The following ATXN10 variants were observed in gnomAD, a reference collection of about 807,000 sequenced individuals.
ATXN10 encodes ataxin 10.
A neutral mutation model predicts 52.9 loss-of-function variants in ATXN10; 28 were observed. The ratio of observed to expected loss-of-function variants is 0.53; its 90% CI spans 0.39 to 0.73. ATXN10 has a LOEUF of 0.73. Ranked by LOEUF, ATXN10 falls within the 30% of genes least tolerant of loss-of-function variation. ATXN10 has a pLI of 0.00. For synonymous variants in ATXN10, 226 were observed against 221.5 expected, an observed-to-expected ratio of 1.02 and a Z score of -0.18; for missense variants, 565 against 577.0, an observed-to-expected ratio of 0.98 and a Z score of 0.21.
chr22:45,755,977 C>T (rs1379994565), intron 9 of ATXN10, among the ~76,000 whole-genome samples: 1 of 151,372 alleles, frequency 6.6e-6, no homozygotes, highest in Non-Finnish European at 1.5e-5. Context: ...CAGACCCATG[C>T]TCTGCACCAC....
Position 45,784,648 on chromosome 22 carries a change from G to A in ATXN10, c.1174-22311G>A, listed in dbSNP as rs949891672. 6.6e-6 allele frequency among the ~76,000 whole-genome samples: 1 copy of A among 152,098 alleles called. No individual in the cohort carries two copies. Among genetic ancestry groups the A allele is most frequent in the Non-Finnish European group, 1.5e-5 (1 of 68,022 alleles). On this transcript the variant is annotated intron_variant, in intron 9 of 11. Transcript: ENST00000252934. The surrounding 1 kb of genome is among the most constrained non-coding windows in gnomAD (Gnocchi z 4.2). The stretch of plus-strand genomic sequence containing the variant: ...GCTCGCCTGTCGACCCCCTCCCTGT[G>A]CCCAGAGGACACACAGCTTAGAGCA...
chr22:45,740,576 C>G, intron 9 of ATXN10, 38 bp downstream of exon 9: 1 of 1,591,232 alleles, frequency 6.3e-7, no homozygotes, highest in Non-Finnish European at 8.6e-7. Context: ...ACATGTATGG[C>G]TTCATTTAGA....
rs1569077833 is a variant in ATXN10, at chr22:45,820,333, A to G, written c.1237+13311A>G. Among the ~76,000 whole-genome samples, 1 of 152,214 alleles carries G rather than the reference A, an allele frequency of 6.6e-6. No individual in the cohort carries two copies. Among genetic ancestry groups the G allele is most frequent in the African/African-American group, 2.4e-5 (1 of 41,462 alleles). ...AGTTGGAGAAACAGGCCATTGTGATAATACAGGACAGAACGCTAAGGGGTG... is the reference window on the plus strand; with the variant it reads ...AGTTGGAGAAACAGGCCATTGTGATGATACAGGACAGAACGCTAAGGGGTG... On this transcript the variant is annotated intron_variant, in intron 10 of 11. Transcript: ENST00000252934. This position sits in a 1 kb window ranked among gnomAD's most constrained non-coding sequence, Gnocchi z 4.9.
At position 45,769,670 on chromosome 22, in the gene ATXN10, G is replaced by T. The variant is rs886637382; in HGVS notation, c.1173+29132G>T. On this transcript the variant is annotated intron_variant, in intron 9 of 11. Transcript: ENST00000252934. The surrounding 1 kb of genome is among the most constrained non-coding windows in gnomAD (Gnocchi z 4.2). ...TGGTCAAGAAAAGAAGACCAAGGCCGATTCCCTAGGACCTTGAAGCCAGCC... is the reference window on the plus strand; with the variant it reads ...TGGTCAAGAAAAGAAGACCAAGGCCTATTCCCTAGGACCTTGAAGCCAGCC... Among the ~76,000 whole-genome samples the T allele has an allele frequency of 6.6e-6, 1 of 152,184 alleles. No individual in the cohort carries two copies. Among genetic ancestry groups the T allele is most frequent in the Non-Finnish European group, 1.5e-5 (1 of 68,030 alleles).
At chr22:45,751,763 A>AAAAAAAAAAAAAAATAATAAT in intron 9 of ATXN10, among the ~76,000 whole-genome samples, 33 of 66,572 alleles carry the variant, frequency 5.0e-4, no homozygotes, top group Non-Finnish European at 7.6e-4. Flanking sequence ...AATAAAAAAA[A>AAAAAAAAAAAAAAATAATAAT]AATAATAATA....
rs564886646 is a variant in ATXN10, at chr22:45,759,135, C to T, written c.1173+18597C>T. ...AGCACACTGTGTGCCAAGCATTATG[C>T]GAGGTGCTGGAGAGAAGGAAGGGGA... On this transcript the variant is annotated intron_variant, in intron 9 of 11. Transcript: ENST00000252934. The surrounding 1 kb of genome is among the most constrained non-coding windows in gnomAD (Gnocchi z 5.4). Among the ~76,000 whole-genome samples, 7 of 152,176 alleles carry T rather than the reference C, an allele frequency of 4.6e-5. No homozygotes were observed. Among genetic ancestry groups the T allele is most frequent in the Admixed American group, 2.0e-4 (3 of 15,288 alleles).
At position 45,701,452 on chromosome 22, in the gene ATXN10, A is replaced by G. The variant is rs1248101331; in HGVS notation, c.488+1074A>G. On this transcript the variant is annotated intron_variant, in intron 4 of 11. Transcript: ENST00000252934. The surrounding 1 kb of genome is among the most constrained non-coding windows in gnomAD (Gnocchi z 4.2). ...GAAGTATAGCGTTAAGATGGGATAAACTCTAATTCACCTGTAGCTCATGGA... is the reference window on the plus strand; with the variant it reads ...GAAGTATAGCGTTAAGATGGGATAAGCTCTAATTCACCTGTAGCTCATGGA... Among the ~76,000 whole-genome samples the G allele has an allele frequency of 6.6e-6, 1 of 152,112 alleles. No individual in the cohort carries two copies. The highest frequency in any genetic ancestry group is 1.5e-5 in the Non-Finnish European group (1 of 68,020).
In ATXN10 at chr22:45,843,637, A is replaced by G. The variant is rs766523004; in HGVS notation, c.1426-32A>G. 13 of 1,609,218 alleles carry G rather than the reference A, an allele frequency of 8.1e-6. No individual in the cohort carries two copies. The Admixed American group carries it at 1.7e-4, about 21-fold the overall frequency. ...TGAATCTTGTGAACAGATTTGCTAC[A>G]TCTGCAATTTTGTTTCTTTCTTCTT... On this transcript the variant is annotated intron_variant, in intron 11 of 11. Coordinates refer to ENST00000252934, the MANE Select transcript of ATXN10 (RefSeq NM_013236.4). This position sits in a 1 kb window ranked among gnomAD's most constrained non-coding sequence, Gnocchi z 4.5.
chr22:45,802,556 C>T (rs375998531), intron 9 of ATXN10, among the ~76,000 whole-genome samples: 1 of 152,154 alleles, frequency 6.6e-6, no homozygotes, highest in Non-Finnish European at 1.5e-5. Context: ...TCATCCTTGT[C>T]CAGAATAGGT....
At chr22:45,695,576 G>A (rs1475097561) in intron 3 of ATXN10, among the ~76,000 whole-genome samples, 1 of 148,740 alleles carries the variant, frequency 6.7e-6, no homozygotes, top group Non-Finnish European at 1.5e-5. Context: ...TGCAACCACC[G>A]CCTTCCCGCC....
In ATXN10 at chr22:45,807,041, T is replaced by C. The variant is rs1928122215; in HGVS notation, c.1237+19T>C. The C allele has an allele frequency of 6.2e-7, 1 of 1,610,054 alleles. No individual in the cohort carries two copies. The stretch of plus-strand genomic sequence containing the variant: ...AACCCCTGTATCCTTGCATGTGAAT[T>C]ACCATGCACAAGTTTACAGCCGGGG... On this transcript the variant is annotated intron_variant, in intron 10 of 11. Transcript: ENST00000252934.
intron 7 of ATXN10, among the ~76,000 whole-genome samples, chr22:45,730,124 G>A (rs569936791): frequency 2.0e-5 from 3 of 152,092 alleles, no homozygotes; most frequent in South Asian, 2.1e-4. Context: ...CGGGAGGATC[G>A]CTTGAGCCCA....
At chr22:45,698,983 A>G (rs1035099907) in intron 3 of ATXN10, among the ~76,000 whole-genome samples, 1 of 152,190 alleles carries the variant, frequency 6.6e-6, no homozygotes, top group African/African-American at 2.4e-5. Context: ...TTGTTACCAC[A>G]CTTGAGGTAA....
chr22:45,741,821 C>T (rs79571998), intron 9 of ATXN10, among the ~76,000 whole-genome samples: 1,584 of 152,260 alleles, frequency 0.01, 31 homozygotes, highest in African/African-American at 0.036. Flanking sequence ...TCGAATTTGA[C>T]ACAAACGGGC....
At chr22:45,765,268 C>T (rs1926541745) in intron 9 of ATXN10, among the ~76,000 whole-genome samples, 1 of 152,038 alleles carries the variant, frequency 6.6e-6, no homozygotes, top group South Asian at 2.1e-4. Flanking sequence ...AGCACATCAT[C>T]ATAGGAAGAT....
intron 9 of ATXN10, among the ~76,000 whole-genome samples, chr22:45,794,096 A>T (rs1927620076): frequency 6.6e-6 from 1 of 152,170 alleles, no homozygotes; most frequent in African/African-American, 2.4e-5. Context: ...AGGGGCGGTA[A>T]CTTCTGGGTG....
intron 10 of ATXN10, among the ~76,000 whole-genome samples, chr22:45,827,798 C>G (rs1238216154): frequency 2.0e-5 from 3 of 152,190 alleles, no homozygotes; most frequent in Non-Finnish European, 4.4e-5. Flanking sequence ...ACACAGAACA[C>G]TCTATCCTAC....
intron 1 of ATXN10, among the ~76,000 whole-genome samples, chr22:45,686,227 G>A (rs1236253457): frequency 2.0e-5 from 3 of 152,184 alleles, no homozygotes; most frequent in African/African-American, 7.2e-5. Context: ...TACATAGCAA[G>A]GCTGTGATGC....
At chr22:45,813,424 GT>G (rs141294376) in intron 10 of ATXN10, among the ~76,000 whole-genome samples, 2 of 117,372 alleles carry the variant, frequency 1.7e-5, no homozygotes, top group Non-Finnish European at 3.7e-5. Flanking sequence ...GGGTTTTTTT[GT>G]TTTTTTCTTT....
Sources: allele counts gnomAD v4.1 joint callset (sites outside exome capture counted in the v4.1 genomes callset), GRCh38; gene constraint gnomAD v4.1.1; non-coding constraint Gnocchi (gnomAD v3.1); transcripts MANE v1.5; gene names NCBI Gene and HGNC (gene_info 2026-07-23, HGNC 2026-07-21).